The following ADSS2 variants were observed in gnomAD, a reference collection of about 807,000 sequenced individuals.
ADSS2 encodes the protein adenylosuccinate synthetase isozyme 2.
ADSS2 carries 30 observed loss-of-function variants against 60.0 expected under a neutral mutation model. That is an observed-to-expected ratio of 0.50 (90% confidence interval 0.37 to 0.68). The LOEUF (loss-of-function observed/expected upper bound fraction) is 0.68, where lower values mean the gene tolerates loss of function less well. Among genes scored for constraint, ADSS2 ranks in the 30% least tolerant of loss-of-function variants. ADSS2 has a pLI of 0.00. For missense variants in ADSS2, 373 were observed against 554.8 expected, an observed-to-expected ratio of 0.67 and a Z score of 3.29; for synonymous variants, 187 against 193.1, an observed-to-expected ratio of 0.97 and a Z score of 0.26.
intron 8 of ADSS2, 29 bp downstream of exon 8, chr1:244,420,141 C>A (rs780428510): frequency 2.5e-6 from 4 of 1,601,600 alleles, no homozygotes; most frequent in Non-Finnish European, 3.4e-6. Flanking sequence ...CAGTTAAGCT[C>A]CCTTAACTAT....
intron 1 of ADSS2, among the ~76,000 whole-genome samples, chr1:244,444,965 GA>G (rs1055246443): frequency 1.9e-4 from 29 of 152,050 alleles, no homozygotes; most frequent in African/African-American, 6.8e-4. Flanking sequence ...CAAATCATAG[GA>G]ATCATCCCCC....
intron 1 of ADSS2, among the ~76,000 whole-genome samples, chr1:244,440,814 T>G (rs1665221464): frequency 6.6e-6 from 1 of 152,194 alleles, no homozygotes; most frequent in Non-Finnish European, 1.5e-5. Flanking sequence ...GCAAACAGAA[T>G]CATCTCATTC....
At chr1:244,427,713 C>T in intron 4 of ADSS2, among the ~76,000 whole-genome samples, 1 of 152,026 alleles carries the variant, frequency 6.6e-6, no homozygotes, top group East Asian at 1.9e-4. Context: ...GGAATATTAC[C>T]ATAAAAAGGA....
chr1:244,430,206 T>C (rs984354730), intron 4 of ADSS2, among the ~76,000 whole-genome samples: 1 of 152,226 alleles, frequency 6.6e-6, no homozygotes, highest in African/African-American at 2.4e-5. Context: ...TCTAGGCCTT[T>C]TGACCCCTTC....
At chr1:244,419,489 C>A (rs1368378467) in intron 8 of ADSS2, among the ~76,000 whole-genome samples, 1 of 152,206 alleles carries the variant, frequency 6.6e-6, no homozygotes, top group East Asian at 1.9e-4. Flanking sequence ...TCTTTCCAGA[C>A]TGGCTAGACA....
At chr1:244,434,964 T>C (rs1665047603) in intron 3 of ADSS2, among the ~76,000 whole-genome samples, 2 of 151,712 alleles carry the variant, frequency 1.3e-5, no homozygotes, top group African/African-American at 4.8e-5. Context: ...GTCAGGAGTT[T>C]GAGACCATCC....
chr1:244,412,999 G>C (rs769202343), intron 11 of ADSS2, among the ~76,000 whole-genome samples: 1 of 152,166 alleles, frequency 6.6e-6, no homozygotes, highest in Non-Finnish European at 1.5e-5. Context: ...AGGTCCCAGT[G>C]TAACCTGGCT....
chr1:244,429,530 A>G (rs990601009), intron 4 of ADSS2, among the ~76,000 whole-genome samples: 3 of 152,150 alleles, frequency 2.0e-5, no homozygotes, highest in African/African-American at 4.8e-5. Context: ...CAATTTTCCA[A>G]TTAGTTATTT....
chr1:244,423,506 G>T (rs1664721409), intron 6 of ADSS2, among the ~76,000 whole-genome samples: 1 of 152,130 alleles, frequency 6.6e-6, no homozygotes, highest in African/African-American at 2.4e-5. Context: ...TGTTAACGTA[G>T]CATCTGTTGA....
chr1:244,419,543 T>C (rs1251100046), intron 8 of ADSS2, among the ~76,000 whole-genome samples: 2 of 152,188 alleles, frequency 1.3e-5, no homozygotes, highest in Non-Finnish European at 2.9e-5. Flanking sequence ...AGAAATACAC[T>C]TTCTTTAATA....
chr1:244,422,069 A>T (rs58064570), intron 7 of ADSS2, among the ~76,000 whole-genome samples: 5,037 of 152,294 alleles, frequency 0.033, 288 homozygotes, highest in African/African-American at 0.11. Context: ...AAATACAAAT[A>T]CCTAACATTT....
intron 9 of ADSS2, 109 bp downstream of exon 9, chr1:244,418,651 G>T: frequency 8.6e-7 from 1 of 1,167,776 alleles, no homozygotes; most frequent in Non-Finnish European, 1.2e-6. Context: ...ATGTTGTTCT[G>T]ACCAATCTTG....
chr1:244,432,438 A>T, intron 4 of ADSS2, 107 bp downstream of exon 4: 1 of 814,958 alleles, frequency 1.2e-6, no homozygotes, highest in Non-Finnish European at 1.9e-6. Flanking sequence ...AATCCATCCT[A>T]CTTACGCTAA....
intron 1 of ADSS2, among the ~76,000 whole-genome samples, chr1:244,447,118 T>C (rs1159992573): frequency 6.6e-6 from 1 of 152,214 alleles, no homozygotes. Context: ...CAGGCAATAC[T>C]GAATGTTGAT....
chr1:244,411,592 G>A (rs761103457), intron 11 of ADSS2, among the ~76,000 whole-genome samples, 156 bp from the exon 12 acceptor site: 6 of 152,166 alleles, frequency 3.9e-5, no homozygotes, highest in South Asian at 2.1e-4. Flanking sequence ...GTAAAACAGC[G>A]CAAATACCAT....
chr1:244,423,331 G>A (rs1056683655), intron 6 of ADSS2, among the ~76,000 whole-genome samples: 3 of 152,190 alleles, frequency 2.0e-5, no homozygotes, highest in Non-Finnish European at 4.4e-5. Context: ...AAGGTGCACT[G>A]CCAGTGCAGA....
intron 3 of ADSS2, among the ~76,000 whole-genome samples, chr1:244,435,175 AAAAAAAAAAAAAAAAAAAAAAAC>A (rs1323260886): frequency 1.1e-5 from 1 of 89,024 alleles, no homozygotes; most frequent in Non-Finnish European, 2.7e-5. Context: ...CTCCAAAAAA[AAAAAAAAAAAAAAAAAAAAAAAC>A]AAACCTGAAC....
intron 1 of ADSS2, among the ~76,000 whole-genome samples, chr1:244,448,959 A>C (rs939251469): frequency 2.0e-5 from 3 of 152,162 alleles, no homozygotes; most frequent in Non-Finnish European, 4.4e-5. Flanking sequence ...AATGACCTGT[A>C]CCCAGGGTTG....
rs571944579 is a variant in ADSS2, at chr1:244,437,873, G to A, written c.184-105C>T. The stretch of plus-strand genomic sequence containing the variant: ...ACCTCCTGCCAAAAGGTCAACTTAA[G>A]AGAGCCCAAATATTTACCACCTCTA... On this transcript the variant is annotated intron_variant, in intron 1 of 12. Coordinates refer to ENST00000366535, the MANE Select transcript of ADSS2 (RefSeq NM_001126.5). 4.7e-5 allele frequency: 40 copies of A among 857,300 alleles called. No individual in the cohort carries two copies. The Admixed American group carries it at 7.3e-4, about 16-fold the overall frequency. The allele number at this position is 857,300 out of a possible 1,614,324, so 53.1% of individuals were successfully genotyped here.
Sources: allele counts gnomAD v4.1 joint callset (sites outside exome capture counted in the v4.1 genomes callset), GRCh38; gene constraint gnomAD v4.1.1; transcripts MANE v1.5; gene names NCBI Gene and HGNC (gene_info 2026-07-23, HGNC 2026-07-21).